The following TBC1D4 variants were observed in gnomAD, a reference collection of about 807,000 sequenced individuals.
TBC1D4 encodes TBC1 domain family member 4.
A neutral mutation model predicts 142.5 loss-of-function variants in TBC1D4; 121 were observed. That is an observed-to-expected ratio of 0.85 (90% CI 0.73 to 0.99). The LOEUF (loss-of-function observed/expected upper bound fraction) is 0.99. Among genes scored for constraint, TBC1D4 ranks in the 50% least tolerant of loss-of-function variants. TBC1D4 has a pLI of 0.00. For missense variants in TBC1D4, 1,475 were observed against 1,606.6 expected (o/e 0.92, Z 1.40); for synonymous variants, 630 against 628.2 (o/e 1.00, Z -0.04).
intron 1 of TBC1D4, among the ~76,000 whole-genome samples, chr13:75,406,550 T>G (rs1296597575): frequency 1.3e-5 from 2 of 152,060 alleles, no homozygotes; most frequent in African/African-American, 4.8e-5. Flanking sequence ...TGACGCTAAG[T>G]GTTGGTGAGG....
intron 1 of TBC1D4, among the ~76,000 whole-genome samples, chr13:75,376,585 G>C (rs1883524463): frequency 1.3e-5 from 2 of 152,144 alleles, no homozygotes; most frequent in South Asian, 2.1e-4. Flanking sequence ...GTTTTGCCTT[G>C]TTGGCCAGGC....
intron 1 of TBC1D4, among the ~76,000 whole-genome samples, chr13:75,372,628 A>T (rs1230377699): frequency 1.3e-5 from 2 of 152,180 alleles, no homozygotes; most frequent in African/African-American, 4.8e-5. Context: ...TCCAAGAAAC[A>T]CTAGAGGGAG....
chr13:75,424,600 C>T (rs1431816773), intron 1 of TBC1D4, among the ~76,000 whole-genome samples: 2 of 152,140 alleles, frequency 1.3e-5, no homozygotes, highest in Non-Finnish European at 2.9e-5. Context: ...ATCACACTAC[C>T]TGATTTCAAA....
chr13:75,450,958 G>C (rs1593900121), intron 1 of TBC1D4, among the ~76,000 whole-genome samples: 2 of 152,272 alleles, frequency 1.3e-5, no homozygotes, highest in East Asian at 3.9e-4. Flanking sequence ...GAAGAGTCCA[G>C]GGATTTAGAA....
chr13:75,376,886 T>G (rs1263224279), intron 1 of TBC1D4, among the ~76,000 whole-genome samples: 1 of 152,184 alleles, frequency 6.6e-6, no homozygotes, highest in East Asian at 1.9e-4. Flanking sequence ...CAAATATAGA[T>G]CAATGCATTC....
chr13:75,364,098 T>C (rs1251633826), intron 1 of TBC1D4, among the ~76,000 whole-genome samples: 1 of 152,096 alleles, frequency 6.6e-6, no homozygotes, highest in African/African-American at 2.4e-5. Context: ...GGAGTGTGCA[T>C]GGTGGGGGCG....
At chr13:75,307,772 AG>A (rs1288340652) in intron 14 of TBC1D4, among the ~76,000 whole-genome samples, 1 of 152,238 alleles carries the variant, frequency 6.6e-6, no homozygotes, top group Non-Finnish European at 1.5e-5. Context: ...GATAAATCAC[AG>A]TACAAAACTA....
chr13:75,410,257 T>A (rs566275846), intron 1 of TBC1D4, among the ~76,000 whole-genome samples: 1 of 152,312 alleles, frequency 6.6e-6, no homozygotes, highest in Non-Finnish European at 1.5e-5. Flanking sequence ...AAGGTTCCTA[T>A]GCTGTCAGTC....
rs1053166997 is a variant in TBC1D4, at chr13:75,284,280, T to TTATTATTATTATATCCTCACCA, written c.*2490_*2511dup. On this transcript the variant is annotated 3_prime_UTR_variant, in exon 21 of 21. Transcript: ENST00000377636. ...ACATTTATTGTGCACTTTATTTCTA[T>TTATTATTATTATATCCTCACCA]TATTATTATTATATCCTCACCATAT... Among the ~76,000 whole-genome samples the TTATTATTATTATATCCTCACCA allele has an allele frequency of 1.3e-5, 2 of 151,910 alleles. No individual in the cohort carries two copies. Among genetic ancestry groups the TTATTATTATTATATCCTCACCA allele is most frequent in the East Asian group, 3.9e-4 (2 of 5,192 alleles).
chr13:75,318,943 A>G (rs567768523), intron 12 of TBC1D4, among the ~76,000 whole-genome samples: 2 of 152,324 alleles, frequency 1.3e-5, no homozygotes, highest in South Asian at 4.1e-4. Flanking sequence ...AGCAAAATAT[A>G]AAACCTTTTT....
intron 1 of TBC1D4, among the ~76,000 whole-genome samples, chr13:75,386,322 T>C (rs570767575): frequency 1.3e-5 from 2 of 152,276 alleles, no homozygotes; most frequent in South Asian, 4.1e-4. Context: ...TTCACAGTTC[T>C]TATAAAAATG....
At chr13:75,290,534 C>T (rs1228422159) in intron 19 of TBC1D4, among the ~76,000 whole-genome samples, 1 of 152,016 alleles carries the variant, frequency 6.6e-6, no homozygotes, top group Admixed American at 6.6e-5. Flanking sequence ...TATCTGATTC[C>T]AGTCAAGAAA....
In TBC1D4 at chr13:75,309,940, AC is replaced by A; in HGVS notation, c.2593+1del. ...AGCATTTAGTCTGTTAAAATGGCTA[AC>A]CTTCAAGTTTCTGGTTTTCTTTTTC... On this transcript the variant is annotated splice_donor_variant, in intron 14 of 20. Transcript: ENST00000377636. LOFTEE classifies it high-confidence loss of function. 6.2e-7 allele frequency: 1 copy of A among 1,614,038 alleles called. No homozygotes were observed. The highest frequency in any genetic ancestry group is 8.5e-7 in the Non-Finnish European group (1 of 1,179,936).
chr13:75,380,125 C>T (rs528292848), intron 1 of TBC1D4, among the ~76,000 whole-genome samples: 29 of 151,190 alleles, frequency 1.9e-4, no homozygotes, highest in Admixed American at 1.8e-3. Flanking sequence ...GTGATCCACC[C>T]GCCTCGGCTT....
intron 1 of TBC1D4, among the ~76,000 whole-genome samples, chr13:75,411,852 G>T (rs1254503323): frequency 6.6e-6 from 1 of 151,940 alleles, no homozygotes; most frequent in Non-Finnish European, 1.5e-5. Context: ...GATGTTTACA[G>T]AGCTTCTGAA....
At position 75,425,771 on chromosome 13, in the gene TBC1D4, T is replaced by C. The variant is rs139461519; in HGVS notation, c.498+55499A>G. ...GTGAAATCTAAAAAAAATTAACTCA[T>C]AGAAACAGAGTAAAATGGTGGTTAC... On this transcript the variant is annotated intron_variant, in intron 1 of 20. Coordinates refer to ENST00000377636, the MANE Select transcript of TBC1D4 (RefSeq NM_014832.5). Among the ~76,000 whole-genome samples, 457 of 152,084 alleles carry C rather than the reference T, an allele frequency of 3.0e-3. 3 individuals are homozygous for C. Among genetic ancestry groups the C allele is most frequent in the Non-Finnish European group, 5.3e-3 (358 of 67,976 alleles).
At chr13:75,365,771 T>C (rs1367182917) in intron 1 of TBC1D4, among the ~76,000 whole-genome samples, 1 of 152,218 alleles carries the variant, frequency 6.6e-6, no homozygotes, top group Non-Finnish European at 1.5e-5. Context: ...GGGATTTTGT[T>C]GCTTACTAGA....
intron 12 of TBC1D4, chr13:75,316,641 G>A (rs1878340118): frequency 6.6e-6 from 1 of 152,138 alleles, no homozygotes; most frequent in Non-Finnish European, 1.5e-5. Flanking sequence ...GCAACTTATA[G>A]CAGTTTCCTG....
intron 1 of TBC1D4, among the ~76,000 whole-genome samples, chr13:75,388,092 G>A (rs761141002): frequency 5.3e-5 from 8 of 152,142 alleles, no homozygotes; most frequent in Non-Finnish European, 1.0e-4. Flanking sequence ...CTGCAAAGCC[G>A]GCAATAGCGG....
Sources: allele counts gnomAD v4.1 joint callset (sites outside exome capture counted in the v4.1 genomes callset), GRCh38; gene constraint gnomAD v4.1.1; transcripts MANE v1.5; gene names NCBI Gene and HGNC (gene_info 2026-07-23, HGNC 2026-07-21).